Variants in ZMIZ1 observed in about 807,000 individuals in gnomAD.
ZMIZ1 encodes zinc finger MIZ-type containing 1, also known as zinc finger MIZ domain-containing protein 1.
In ZMIZ1, 17 loss-of-function variants were observed where a neutral mutation model predicts 113.9. The observed-to-expected ratio is 0.15, with a 90% confidence interval of 0.10 to 0.22. ZMIZ1 has a LOEUF of 0.22. Ranked by LOEUF, ZMIZ1 falls within the 10% of genes least tolerant of loss-of-function variation. The pLI, the probability that ZMIZ1 is intolerant of heterozygous loss-of-function variation, is 1.00. For synonymous variants in ZMIZ1, 607 were observed against 603.1 expected (o/e 1.01, Z -0.09); for missense variants, 1,059 against 1,477.8 (o/e 0.72, Z 4.65).
chr10:79,198,147 T>C (rs986036695), intron 4 of ZMIZ1, among the ~76,000 whole-genome samples: 4 of 152,120 alleles, frequency 2.6e-5, no homozygotes, highest in Middle Eastern at 3.4e-3. Context: ...TAGTCCCAGC[T>C]ACTCGGGAGG....
Position 79,203,134 on chromosome 10 carries a change from C to T in ZMIZ1, c.60+1442C>T, listed in dbSNP as rs577289973. ...GGGCTGCTGGCCCCTGGGCTTCCGC[C>T]AGGCAGAACTCACAGCCCCCTACCC... On this transcript the variant is annotated intron_variant, in intron 5 of 24. Transcript: ENST00000334512. Among the ~76,000 whole-genome samples the T allele has an allele frequency of 2.0e-5, 3 of 152,276 alleles. No individual in the cohort carries two copies. The South Asian group carries it at 6.2e-4, about 32-fold the overall frequency.
rs139387081 is a variant in ZMIZ1, at chr10:79,217,684, G to A, written c.280+1410G>A. Among the ~76,000 whole-genome samples, 554 of 152,270 alleles carry A rather than the reference G, an allele frequency of 3.6e-3. 6 individuals are homozygous for A. Among genetic ancestry groups the A allele is most frequent in the African/African-American group, 0.012 (513 of 41,554 alleles). On this transcript the variant is annotated intron_variant, in intron 7 of 24. Coordinates refer to ENST00000334512, the MANE Select transcript of ZMIZ1 (RefSeq NM_020338.4). ...ATCTGCTCAATTTATAATCTCTTGCGTGTGAGTTTGCGCCTCTTTCCATGT... is the reference window on the plus strand; with the variant it reads ...ATCTGCTCAATTTATAATCTCTTGCATGTGAGTTTGCGCCTCTTTCCATGT...
Position 79,190,353 on chromosome 10 carries a change from G to A in ZMIZ1, c.-49-11231G>A, listed in dbSNP as rs546543737. Among the ~76,000 whole-genome samples, 404 of 152,264 alleles carry A rather than the reference G, an allele frequency of 2.7e-3. 3 individuals are homozygous for A. The highest frequency in any genetic ancestry group is 9.0e-3 in the African/African-American group (376 of 41,560). On this transcript the variant is annotated intron_variant, in intron 4 of 24. Coordinates refer to ENST00000334512, the MANE Select transcript of ZMIZ1 (RefSeq NM_020338.4). ...TGGGTGTGGGCCCTGACCCTGCCTC[G>A]GATCCACAGTGGGGCCTTCAAGGCT...
At position 79,069,318 on chromosome 10, in the gene ZMIZ1, C is replaced by G. The variant is rs1842165025; in HGVS notation, c.-337+48C>G. 6.6e-6 allele frequency: 1 copy of G among 150,504 alleles called. No homozygotes were observed. Among genetic ancestry groups the G allele is most frequent in the Non-Finnish European group, 1.5e-5 (1 of 67,422 alleles). The allele number at this position is 150,504 out of a possible 1,614,324, so 9.3% of individuals were successfully genotyped here. On this transcript the variant is annotated intron_variant, in intron 1 of 24. Coordinates refer to ENST00000334512, the MANE Select transcript of ZMIZ1 (RefSeq NM_020338.4). This position sits in a 1 kb window ranked among gnomAD's most constrained non-coding sequence, Gnocchi z 4.6. ...GCGCCCGCTGGCTCCGGGGCTACCTCCCGCTCCCCGGGGACTCTCGGGGTG... is the reference window on the plus strand; with the variant it reads ...GCGCCCGCTGGCTCCGGGGCTACCTGCCGCTCCCCGGGGACTCTCGGGGTG...
rs377126525 is a variant in ZMIZ1 at position 79,306,066 on chromosome 10, C to T, written c.2424-34C>T. On this transcript the variant is annotated intron_variant, in intron 21 of 24. Transcript: ENST00000334512. ...CTTTTATGCCCAAAGCCAGGCACCC[C>T]GGAGCCTCAGCTCTGCCACCCTTCC... 144 of 1,599,178 alleles carry T rather than the reference C, an allele frequency of 9.0e-5. No homozygotes were observed. The East Asian group carries it at 1.4e-3, about 16-fold the overall frequency.
At chr10:79,212,146 CT>C (rs559880923) in intron 6 of ZMIZ1, among the ~76,000 whole-genome samples, 28 of 146,930 alleles carry the variant, frequency 1.9e-4, no homozygotes, top group African/African-American at 2.7e-4. Flanking sequence ...CCGTCTTCTT[CT>C]TTTTTTTTTT....
intron 21 of ZMIZ1, 137 bp from the exon 22 acceptor site, chr10:79,305,963 C>T (rs1375759224): frequency 7.4e-6 from 10 of 1,356,820 alleles, no homozygotes; most frequent in African/African-American, 7.3e-5. Context: ...GCCAGGCTTC[C>T]GCCTCGTCCA....
At chr10:79,287,940 A>G (rs1025694409) in intron 8 of ZMIZ1, among the ~76,000 whole-genome samples, 1 of 152,230 alleles carries the variant, frequency 6.6e-6, no homozygotes, top group Non-Finnish European at 1.5e-5. Context: ...TATGAAAAAA[A>G]TTCCAGTGCC....
intron 23 of ZMIZ1, among the ~76,000 whole-genome samples, chr10:79,309,245 A>G (rs1361178829): frequency 6.6e-6 from 1 of 152,214 alleles, no homozygotes; most frequent in Non-Finnish European, 1.5e-5. Context: ...CAGTGCTCCA[A>G]CAGCACCTGC....
At chr10:79,208,932 T>G (rs895937808) in intron 6 of ZMIZ1, among the ~76,000 whole-genome samples, 3 of 152,170 alleles carry the variant, frequency 2.0e-5, no homozygotes, top group African/African-American at 7.2e-5. Flanking sequence ...GTATGATCCC[T>G]CTGCTAAGTC....
At position 79,169,122 on chromosome 10, in the gene ZMIZ1, C is replaced by T. The variant is rs539249789; in HGVS notation, c.-50+6989C>T. 5.9e-5 allele frequency among the ~76,000 whole-genome samples: 9 copies of T among 152,332 alleles called. No individual in the cohort carries two copies. In the East Asian group the frequency reaches 1.4e-3, roughly 23 times the overall value. ...CTTCATAACCTCTGTGAATTGCTCC[C>T]GTGGTGCCACCTCCATCTGGCCCAC... On this transcript the variant is annotated intron_variant, in intron 4 of 24. Coordinates refer to ENST00000334512, the MANE Select transcript of ZMIZ1 (RefSeq NM_020338.4).
intron 24 of ZMIZ1, 31 bp from the exon 25 acceptor site, chr10:79,312,611 C>T (rs1162013179): frequency 1.9e-6 from 3 of 1,611,758 alleles, no homozygotes; most frequent in East Asian, 2.2e-5. Context: ...AGGCACACCT[C>T]ATCTGAACTT....
At position 79,310,803 on chromosome 10, in the gene ZMIZ1, G is replaced by T. The variant is rs80220569; in HGVS notation, c.2836-121G>T. The T allele has an allele frequency of 9.0e-4, 1,013 of 1,124,746 alleles. 8 individuals carry two copies. In the African/African-American group the frequency reaches 0.014, roughly 16 times the overall value. The allele number at this position is 1,124,746 out of a possible 1,614,324, so 69.7% of individuals were successfully genotyped here. The stretch of plus-strand genomic sequence containing the variant: ...CAGAAACAACGTTCAGCCTCGTACC[G>T]GGTGGCCACGTTTCGGGGGTTGTGA... On this transcript the variant is annotated intron_variant, in intron 23 of 24. Transcript: ENST00000334512.
At chr10:79,160,988 C>T (rs1024649444) in intron 3 of ZMIZ1, among the ~76,000 whole-genome samples, 2 of 152,230 alleles carry the variant, frequency 1.3e-5, no homozygotes, top group South Asian at 2.1e-4. Context: ...CCAGCTGAGA[C>T]CCCAGAGAAG....
chr10:79,145,326 C>T (rs868821891), intron 3 of ZMIZ1, among the ~76,000 whole-genome samples: 1 of 96,758 alleles, frequency 1.0e-5, no homozygotes, highest in Non-Finnish European at 2.2e-5. Context: ...GAGCCTTTCC[C>T]GAAGCTGCAT....
rs985325742 is a variant in ZMIZ1, at chr10:79,240,015, G to A, written c.280+23741G>A. On this transcript the variant is annotated intron_variant, in intron 7 of 24. Coordinates refer to ENST00000334512, the MANE Select transcript of ZMIZ1 (RefSeq NM_020338.4). Reference sequence around the variant, plus strand: ...CCGAGCAAGCCACCACTGCCTTCCCGGCTGCAGCGCCGTGATTTATCGGCG... The same window carrying A: ...CCGAGCAAGCCACCACTGCCTTCCCAGCTGCAGCGCCGTGATTTATCGGCG... Among the ~76,000 whole-genome samples the A allele has an allele frequency of 2.6e-5, 4 of 151,584 alleles. No homozygotes were observed. The South Asian group carries it at 6.2e-4, about 24-fold the overall frequency.
chr10:79,267,106 T>G (rs1434861889), intron 7 of ZMIZ1, among the ~76,000 whole-genome samples: 1 of 152,212 alleles, frequency 6.6e-6, no homozygotes, highest in African/African-American at 2.4e-5. Context: ...TAGACCAGCC[T>G]CCTGGCACTG....
chr10:79,269,665 C>T (rs1851831348), intron 7 of ZMIZ1, among the ~76,000 whole-genome samples: 1 of 152,132 alleles, frequency 6.6e-6, no homozygotes, highest in African/African-American at 2.4e-5. Flanking sequence ...CTCCCAGCCT[C>T]CCCCTGCACC....
intron 3 of ZMIZ1, among the ~76,000 whole-genome samples, chr10:79,154,188 A>T (rs574942120): frequency 1.3e-5 from 2 of 152,300 alleles, no homozygotes; most frequent in South Asian, 4.1e-4. Flanking sequence ...TTGGACCTCC[A>T]ACACCAGAAT....
Sources: allele counts gnomAD v4.1 joint callset (sites outside exome capture counted in the v4.1 genomes callset), GRCh38; gene constraint gnomAD v4.1.1; non-coding constraint Gnocchi (gnomAD v3.1); transcripts MANE v1.5; gene names NCBI Gene and HGNC (gene_info 2026-07-23, HGNC 2026-07-21).